The following PRKAG2 variants were observed in gnomAD, a reference collection of about 807,000 sequenced individuals.
The protein encoded by PRKAG2 is 5'-AMP-activated protein kinase subunit gamma-2.
A neutral mutation model predicts 69.6 loss-of-function variants in PRKAG2; 26 were observed. The ratio of observed to expected loss-of-function variants is 0.37; its 90% CI spans 0.27 to 0.52. The LOEUF (loss-of-function observed/expected upper bound fraction) is 0.52. Among genes scored for constraint, PRKAG2 ranks in the 20% least tolerant of loss-of-function variants. The pLI, the probability that PRKAG2 is intolerant of heterozygous loss-of-function variation, is 0.90. For missense variants in PRKAG2, 557 were observed against 740.0 expected, an observed-to-expected ratio of 0.75 and a Z score of 2.87; for synonymous variants, 293 against 285.0, an observed-to-expected ratio of 1.03 and a Z score of -0.28.
chr7:151,724,211 C>T (rs1797570467), intron 3 of PRKAG2, among the ~76,000 whole-genome samples: 1 of 152,156 alleles, frequency 6.6e-6, no homozygotes, highest in South Asian at 2.1e-4. Context: ...ATAAAATCAC[C>T]CTATAACAAC....
chr7:151,576,116 G>GT, intron 7 of PRKAG2: 1 of 485,116 alleles, frequency 2.1e-6, no homozygotes, highest in Non-Finnish European at 3.7e-6. Context: ...ATTTTTGCAT[G>GT]TTTTTGTAGA....
rs977175111 is a variant in PRKAG2, at chr7:151,777,882, G to A, written c.466+3270C>T. Among the ~76,000 whole-genome samples the A allele has an allele frequency of 1.3e-5, 2 of 152,138 alleles. No homozygotes were observed. The highest frequency in any genetic ancestry group is 2.9e-5 in the Non-Finnish European group (2 of 68,032). ...TAGGATTATGGGAGGGGCCTGAACC[G>A]GGCTAACATGCAGGTGTAGTTTCTA... is the stretch of plus-strand genomic sequence containing the variant. On this transcript the variant is annotated intron_variant, in intron 3 of 15. Transcript: ENST00000287878. This position sits in a 1 kb window ranked among gnomAD's most constrained non-coding sequence, Gnocchi z 4.3.
At chr7:151,819,165 A>G (rs1159547588) in intron 1 of PRKAG2, among the ~76,000 whole-genome samples, 4 of 152,030 alleles carry the variant, frequency 2.6e-5, no homozygotes, top group African/African-American at 9.7e-5. Flanking sequence ...CCTGGACGCT[A>G]TTGGTCTTCA....
chr7:151,670,614 C>A (rs993037139), intron 4 of PRKAG2, among the ~76,000 whole-genome samples: 1 of 152,180 alleles, frequency 6.6e-6, no homozygotes, highest in African/African-American at 2.4e-5. Flanking sequence ...AATAACGGAA[C>A]GGGTTCTATC....
chr7:151,614,500 G>A lies in PRKAG2; in HGVS notation c.754+17569C>T, dbSNP rs1369769001. On this transcript the variant is annotated intron_variant, in intron 5 of 15. Transcript: ENST00000287878. This position sits in a 1 kb window ranked among gnomAD's most constrained non-coding sequence, Gnocchi z 4.4. ...AAAAGAGGCAGAGCAGTCAGTGGAC[G>A]TCTCTGAGACCCTGCTCCCTCCATC... Among the ~76,000 whole-genome samples the A allele has an allele frequency of 2.0e-5, 3 of 152,126 alleles. No homozygotes were observed. Among genetic ancestry groups the A allele is most frequent in the South Asian group, 4.1e-4 (2 of 4,822 alleles).
At chr7:151,801,548 T>A (rs936412801) in intron 1 of PRKAG2, among the ~76,000 whole-genome samples, 2 of 152,184 alleles carry the variant, frequency 1.3e-5, no homozygotes, top group African/African-American at 4.8e-5. Flanking sequence ...GGGCAGCTGG[T>A]TCATCGGGGA....
chr7:151,558,312 C>T (rs1296124750), intron 15 of PRKAG2: 1 of 985,478 alleles, frequency 1.0e-6, no homozygotes, highest in Non-Finnish European at 1.2e-6. Context: ...CTTCATCAAA[C>T]TGCCTCTTAC....
Position 151,814,457 on chromosome 7 carries a change from A to G in PRKAG2, c.115-27916T>C. On this transcript the variant is annotated intron_variant, in intron 1 of 15. Coordinates refer to ENST00000287878, the MANE Select transcript of PRKAG2 (RefSeq NM_016203.4). The surrounding 1 kb of genome is among the most constrained non-coding windows in gnomAD (Gnocchi z 4.8). Reference sequence around the variant, plus strand: ...CTGGAGGTCTTCTCTTCCAGATGCTAATAAGCAGTGCAGGCTTGTAAGCTG... The same window carrying G: ...CTGGAGGTCTTCTCTTCCAGATGCTGATAAGCAGTGCAGGCTTGTAAGCTG... 1 of 1,230,066 alleles carries G rather than the reference A, an allele frequency of 8.1e-7. No individual in the cohort carries two copies. The highest frequency in any genetic ancestry group is 4.2e-5 in the Admixed American group (1 of 23,706). 76.2% of individuals were successfully genotyped at this position (1,230,066 alleles called of 1,614,324 possible).
chr7:151,620,498 GAT>G (rs1280512278), intron 5 of PRKAG2, among the ~76,000 whole-genome samples: 1 of 151,210 alleles, frequency 6.6e-6, no homozygotes, highest in Non-Finnish European at 1.5e-5. Flanking sequence ...TTTTTTTTGA[GAT>G]AAGGTCTCAC....
chr7:151,641,656 C>T (rs1052636052), intron 4 of PRKAG2, among the ~76,000 whole-genome samples: 1 of 151,278 alleles, frequency 6.6e-6, no homozygotes, highest in African/African-American at 2.4e-5. Flanking sequence ...GTGATTTTCC[C>T]ATCTCAGCCT....
At chr7:151,870,766 C>A (rs1048735013) in intron 1 of PRKAG2, among the ~76,000 whole-genome samples, 2 of 152,234 alleles carry the variant, frequency 1.3e-5, no homozygotes, top group African/African-American at 4.8e-5. Context: ...GGGTGCGTGG[C>A]CTTCTCGCAG....
At chr7:151,752,225 A>G (rs1421972553) in intron 3 of PRKAG2, among the ~76,000 whole-genome samples, 2 of 152,242 alleles carry the variant, frequency 1.3e-5, no homozygotes, top group Non-Finnish European at 2.9e-5. Context: ...ACAGCCATAA[A>G]AAAGAAAGAG....
At chr7:151,840,064 CCT>C (rs1410563969) in intron 1 of PRKAG2, among the ~76,000 whole-genome samples, 3 of 152,140 alleles carry the variant, frequency 2.0e-5, no homozygotes, top group Non-Finnish European at 4.4e-5. Context: ...GTATTTGTAC[CCT>C]GAGTGTGTGC....
chr7:151,703,996 A>G (rs1838196590), intron 3 of PRKAG2, among the ~76,000 whole-genome samples: 9 of 151,204 alleles, frequency 6.0e-5, no homozygotes, highest in Admixed American at 5.3e-4. Context: ...TGGGGGGCGG[A>G]GGTTGCAGTG....
intron 4 of PRKAG2, chr7:151,674,920 C>CT (rs914954969): frequency 2.7e-4 from 48 of 177,294 alleles, no homozygotes; most frequent in Non-Finnish European, 4.1e-4. Context: ...CATTTTGTTT[C>CT]TTTTTTTCTT....
At chr7:151,873,574 C>G (rs1178512168) in intron 1 of PRKAG2, among the ~76,000 whole-genome samples, 6 of 152,146 alleles carry the variant, frequency 3.9e-5, no homozygotes, top group Admixed American at 3.9e-4. Context: ...AGATCTCACC[C>G]TAACCAGAGC....
At chr7:151,673,122 G>A (rs1305958262) in intron 4 of PRKAG2, among the ~76,000 whole-genome samples, 1 of 152,150 alleles carries the variant, frequency 6.6e-6, no homozygotes, top group African/African-American at 2.4e-5. Context: ...AAGGCTCTGG[G>A]CTTGTCCCCA....
At chr7:151,872,564 G>C (rs1396768512) in intron 1 of PRKAG2, among the ~76,000 whole-genome samples, 1 of 152,216 alleles carries the variant, frequency 6.6e-6, no homozygotes, top group Admixed American at 6.5e-5. Context: ...TTACACTGTG[G>C]ATCCCCACCC....
chr7:151,795,844 CTCAT>C (rs1332017517), intron 1 of PRKAG2, among the ~76,000 whole-genome samples: 6 of 69,410 alleles, frequency 8.6e-5, no homozygotes, highest in Admixed American at 2.0e-4. Context: ...TCAAACAAAT[CTCAT>C]ATATATATAT....
Sources: gnomAD v4.1 joint callset for allele counts (sites outside exome capture counted in the v4.1 genomes callset) on GRCh38, gnomAD v4.1.1 for gene constraint, Gnocchi (gnomAD v3.1) non-coding constraint, MANE v1.5 for transcripts, NCBI Gene and HGNC (gene_info 2026-07-23, HGNC 2026-07-21) for gene names.